The following DLAT variants were observed in gnomAD, a reference collection of about 807,000 sequenced individuals.
The protein encoded by DLAT is dihydrolipoamide S-acetyltransferase.
A neutral mutation model predicts 68.0 loss-of-function variants in DLAT; 43 were observed. That is an observed-to-expected ratio of 0.63 (90% CI 0.50 to 0.81). The LOEUF (loss-of-function observed/expected upper bound fraction) is 0.81, where lower values mean the gene tolerates loss of function less well. DLAT is among the 40% of genes least tolerant of loss of function. DLAT has a pLI of 0.00. For missense variants in DLAT, 745 were observed against 815.4 expected, an observed-to-expected ratio of 0.91 and a Z score of 1.05; for synonymous variants, 265 against 288.6, an observed-to-expected ratio of 0.92 and a Z score of 0.83.
chr11:112,031,990 C>T (rs1380507096), intron 4 of DLAT, among the ~76,000 whole-genome samples: 5 of 134,604 alleles, frequency 3.7e-5, no homozygotes, highest in Non-Finnish European at 7.6e-5. Flanking sequence ...CTGCGATTCT[C>T]ATGCCTCAGC....
rs2137673959 is a variant in DLAT, at chr11:112,025,509, G to A, written c.37G>A (p.Ala13Thr). 6.2e-7 allele frequency: 1 copy of A among 1,613,936 alleles called. No individual in the cohort carries two copies. The highest frequency in any genetic ancestry group is 8.5e-7 in the Non-Finnish European group (1 of 1,179,980). The part of the protein sequence containing the change: ...RVCARRAQNV[A>T]PWAGLEARWT... ...CTGTGCGCGACGGGCTCAGAATGTA[G>A]CCCCATGGGCGGGACTCGAGGCTCG... Residue 13 changes from alanine to threonine, a missense_variant, in exon 1 of 14, where the codon GCC becomes ACC. Transcript: ENST00000280346.
In DLAT at chr11:112,051,551, T is replaced by A. The variant is rs1261032629; in HGVS notation, c.1514+202T>A. The stretch of plus-strand genomic sequence containing the variant: ...TTCTTACTGGCCCCAATTTTCAACC[T>A]TGTTTTTGTTTTTGTTTTTGTTGTT... On this transcript the variant is annotated intron_variant, in intron 11 of 13. Coordinates refer to ENST00000280346, the MANE Select transcript of DLAT (RefSeq NM_001931.5). The surrounding 1 kb of genome is among the most constrained non-coding windows in gnomAD (Gnocchi z 4.3). Among the ~76,000 whole-genome samples the A allele has an allele frequency of 6.6e-6, 1 of 152,106 alleles. No individual in the cohort carries two copies. Among genetic ancestry groups the A allele is most frequent in the Non-Finnish European group, 1.5e-5 (1 of 68,014 alleles).
chr11:112,031,387 CAG>C (rs764407931), intron 4 of DLAT, among the ~76,000 whole-genome samples: 1 of 152,070 alleles, frequency 6.6e-6, no homozygotes, highest in Non-Finnish European at 1.5e-5. Context: ...ATTATAAAAA[CAG>C]GGCTTTTTTT....
intron 11 of DLAT, among the ~76,000 whole-genome samples, chr11:112,059,308 C>T (rs1175532630): frequency 2.6e-5 from 4 of 151,312 alleles, no homozygotes; most frequent in South Asian, 4.2e-4. Context: ...GGATGTTAGA[C>T]GATATGTGCG....
chr11:112,043,642 T>G, intron 8 of DLAT, 109 bp downstream of exon 8: 1 of 1,064,382 alleles, frequency 9.4e-7, no homozygotes, highest in Non-Finnish European at 1.5e-6. Context: ...TGTTTTCTTC[T>G]AATTTCAGTG....
At chr11:112,057,049 A>G (rs782411422) in intron 11 of DLAT, among the ~76,000 whole-genome samples, 2 of 152,194 alleles carry the variant, frequency 1.3e-5, no homozygotes, top group East Asian at 3.9e-4. Context: ...TTATTATTGT[A>G]TCTGTTATGG....
intron 5 of DLAT, among the ~76,000 whole-genome samples, chr11:112,034,576 G>A (rs1346968507): frequency 6.6e-6 from 1 of 151,578 alleles, no homozygotes; most frequent in Non-Finnish European, 1.5e-5. Context: ...CCGAGTAGCT[G>A]GGACTACAGG....
intron 7 of DLAT, among the ~76,000 whole-genome samples, chr11:112,041,294 GATA>G (rs1487959370): frequency 6.6e-6 from 1 of 152,116 alleles, no homozygotes; most frequent in Non-Finnish European, 1.5e-5. Flanking sequence ...TAGCTATAAT[GATA>G]ATAATATTTT....
At chr11:112,057,382 A>G (rs1306595933) in intron 11 of DLAT, among the ~76,000 whole-genome samples, 4 of 152,252 alleles carry the variant, frequency 2.6e-5, no homozygotes, top group African/African-American at 7.2e-5. Context: ...TGAGTAAGGC[A>G]TGTCAAAAGC....
chr11:112,039,098 A>G, intron 6 of DLAT, 146 bp from the exon 7 acceptor site: 1 of 751,894 alleles, frequency 1.3e-6, no homozygotes, highest in Non-Finnish European at 2.0e-6. Flanking sequence ...AAGCTGGCGA[A>G]AAGTACATTA....
intron 11 of DLAT, among the ~76,000 whole-genome samples, chr11:112,055,405 G>C (rs781818462): frequency 6.6e-6 from 1 of 151,476 alleles, no homozygotes; most frequent in African/African-American, 2.4e-5. Flanking sequence ...CACCACGCCC[G>C]GCTAATTTTT....
chr11:112,030,265 C>A, intron 4 of DLAT: 1 of 566,614 alleles, frequency 1.8e-6, no homozygotes, highest in South Asian at 1.4e-5. Context: ...TTAGGCACAA[C>A]GTCTGCAGAG....
At chr11:112,027,389 G>A (rs3131808) in intron 2 of DLAT, among the ~76,000 whole-genome samples, 11 of 151,624 alleles carry the variant, frequency 7.3e-5, no homozygotes, top group East Asian at 1.9e-4. Context: ...GATGGCAGCC[G>A]GGCAGAGACG....
At chr11:112,053,879 A>G (rs1863819758) in intron 11 of DLAT, among the ~76,000 whole-genome samples, 1 of 152,138 alleles carries the variant, frequency 6.6e-6, no homozygotes, top group South Asian at 2.1e-4. Flanking sequence ...ACTCCCCGTT[A>G]AAGAACATTA....
In DLAT at chr11:112,039,236, T is replaced by C; in HGVS notation, c.976-8T>C. 6.2e-7 allele frequency: 1 copy of C among 1,614,018 alleles called. No homozygotes were observed. The highest frequency in any genetic ancestry group is 8.5e-7 in the Non-Finnish European group (1 of 1,179,920). ...GAATTAAAACAATTTGTAATTTTTTTTCAAAAGGTGGCCGCTGTTCCTCCA... is the reference window on the plus strand; with the variant it reads ...GAATTAAAACAATTTGTAATTTTTTCTCAAAAGGTGGCCGCTGTTCCTCCA... On this transcript the variant is annotated splice_polypyrimidine_tract_variant and splice_region_variant and intron_variant, in intron 6 of 13. Coordinates refer to ENST00000280346, the MANE Select transcript of DLAT (RefSeq NM_001931.5).
chr11:112,063,486 G>A lies in DLAT; in HGVS notation c.*951G>A, dbSNP rs1212326568. The A allele has an allele frequency of 1.3e-5, 2 of 152,558 alleles. No individual in the cohort carries two copies. Among genetic ancestry groups the A allele is most frequent in the Non-Finnish European group, 2.9e-5 (2 of 68,000 alleles). 9.5% of individuals were successfully genotyped at this position (152,558 alleles called of 1,614,324 possible). ...TTACTAGAGTTAGATATGTGCCAAAGTCCATTTATCCCAAATCCTGTCTGA... is the reference window on the plus strand; with the variant it reads ...TTACTAGAGTTAGATATGTGCCAAAATCCATTTATCCCAAATCCTGTCTGA... On this transcript the variant is annotated 3_prime_UTR_variant, in exon 14 of 14. Coordinates refer to ENST00000280346, the MANE Select transcript of DLAT (RefSeq NM_001931.5).
Position 112,028,504 on chromosome 11 carries a change from T to C in DLAT, c.382-11T>C, listed in dbSNP as rs1862211755. On this transcript the variant is annotated splice_polypyrimidine_tract_variant and intron_variant, in intron 2 of 13. Coordinates refer to ENST00000280346, the MANE Select transcript of DLAT (RefSeq NM_001931.5). ...AGTACAAACCTGAGCTACTGCTTTT[T>C]GTGTTAAAAGGTTGAAACTGATAAA... The C allele has an allele frequency of 1.9e-6, 3 of 1,613,994 alleles. No individual in the cohort carries two copies. The highest frequency in any genetic ancestry group is 2.2e-5 in the East Asian group (1 of 44,896).
intron 4 of DLAT, among the ~76,000 whole-genome samples, chr11:112,032,897 T>G (rs1421074448): frequency 1.3e-5 from 2 of 151,980 alleles, no homozygotes; most frequent in African/African-American, 4.8e-5. Context: ...TAAAACCCCA[T>G]CTCTACAAAA....
intron 10 of DLAT, among the ~76,000 whole-genome samples, chr11:112,050,683 T>C (rs1007072627): frequency 6.6e-6 from 1 of 152,226 alleles, no homozygotes; most frequent in African/African-American, 2.4e-5. Flanking sequence ...GTCCCCTATT[T>C]CACTCCTAAT....
Sources: gnomAD v4.1 joint callset for allele counts (sites outside exome capture counted in the v4.1 genomes callset) on GRCh38, gnomAD v4.1.1 for gene constraint, Gnocchi (gnomAD v3.1) non-coding constraint, MANE v1.5 for transcripts, NCBI Gene and HGNC (gene_info 2026-07-23, HGNC 2026-07-21) for gene names.